Variants in MARCHF1 observed in about 807,000 individuals in gnomAD.
MARCHF1 encodes E3 ubiquitin-protein ligase MARCHF1.
MARCHF1 carries 40 observed loss-of-function variants against 54.2 expected under a neutral mutation model. The ratio of observed to expected loss-of-function variants is 0.74; its 90% CI spans 0.57 to 0.96. The LOEUF is 0.96. Among genes scored for constraint, MARCHF1 ranks in the 40% least tolerant of loss-of-function variants. The pLI is 0.00. For synonymous variants in MARCHF1, 236 were observed against 236.3 expected (o/e 1.00, Z 0.01); for missense variants, 586 against 656.5 (o/e 0.89, Z 1.17).
intron 4 of MARCHF1, among the ~76,000 whole-genome samples, chr4:163,715,587 C>T (rs1410503260): frequency 6.6e-6 from 1 of 151,988 alleles, no homozygotes; most frequent in African/African-American, 2.4e-5. Flanking sequence ...AGATTTCTAC[C>T]ACCCAGATGC....
chr4:163,867,964 A>C (rs1307855992), intron 3 of MARCHF1, among the ~76,000 whole-genome samples: 1 of 151,832 alleles, frequency 6.6e-6, no homozygotes, highest in Non-Finnish European at 1.5e-5. Context: ...GTAGCTCAGC[A>C]ATATTTTGCC....
At chr4:164,315,806 G>A (rs150562035) in intron 1 of MARCHF1, among the ~76,000 whole-genome samples, 17 of 152,140 alleles carry the variant, frequency 1.1e-4, no homozygotes, top group Admixed American at 7.2e-4. Context: ...TTTACACTAC[G>A]TTAATCATAG....
chr4:163,904,546 T>C (rs1019788552), intron 3 of MARCHF1, among the ~76,000 whole-genome samples: 2 of 152,006 alleles, frequency 1.3e-5, no homozygotes, highest in Non-Finnish European at 2.9e-5. Context: ...AAATGGATGG[T>C]TTTCTGGGAA....
intron 3 of MARCHF1, among the ~76,000 whole-genome samples, chr4:163,889,456 T>G (rs1251477683): frequency 1.9e-5 from 2 of 103,714 alleles, no homozygotes; most frequent in African/African-American, 6.8e-5. Context: ...ACACTAAATT[T>G]TAAATGCAAT....
At chr4:163,804,800 C>T (rs1748179359) in intron 4 of MARCHF1, among the ~76,000 whole-genome samples, 1 of 152,090 alleles carries the variant, frequency 6.6e-6, no homozygotes, top group Admixed American at 6.6e-5. Context: ...TGCACCTCAC[C>T]ATTTTTCACG....
At chr4:163,987,088 T>C (rs1752884121) in intron 3 of MARCHF1, among the ~76,000 whole-genome samples, 2 of 152,210 alleles carry the variant, frequency 1.3e-5, no homozygotes, top group Non-Finnish European at 2.9e-5. Flanking sequence ...AATTGATCAG[T>C]GTACCCCACC....
chr4:164,145,247 G>T (rs2110882449), intron 1 of MARCHF1, among the ~76,000 whole-genome samples: 1 of 152,274 alleles, frequency 6.6e-6, no homozygotes, highest in African/African-American at 2.4e-5. Flanking sequence ...AGAGGTAAAA[G>T]GAAGAACTGG....
chr4:164,277,068 T>A lies in MARCHF1; in HGVS notation c.-323+106802A>T, dbSNP rs113324220. 2.3e-3 allele frequency among the ~76,000 whole-genome samples: 352 copies of A among 151,968 alleles called. 1 individual carries two copies. The highest frequency in any genetic ancestry group is 8.1e-3 in the African/African-American group (338 of 41,506). The stretch of plus-strand genomic sequence containing the variant: ...CAGGAGAACTACAATTGCTTCATCA[T>A]GCCTGTTTGCAGTTATAGGGCTTTT... On this transcript the variant is annotated intron_variant, in intron 1 of 9. Coordinates refer to ENST00000514618, the MANE Select transcript of MARCHF1 (RefSeq NM_001394959.1).
At chr4:163,932,032 C>T (rs2111399438) in intron 3 of MARCHF1, among the ~76,000 whole-genome samples, 1 of 151,860 alleles carries the variant, frequency 6.6e-6, no homozygotes, top group African/African-American at 2.4e-5. Context: ...TATGTTTATA[C>T]TATCTTGTAG....
intron 5 of MARCHF1, among the ~76,000 whole-genome samples, chr4:163,620,668 T>A (rs539751539): frequency 6.9e-6 from 1 of 144,322 alleles, no homozygotes; most frequent in East Asian, 2.2e-4. Context: ...CACACACACA[T>A]TTATAGAATA....
chr4:163,837,275 A>G (rs777235292), intron 4 of MARCHF1, among the ~76,000 whole-genome samples: 2 of 152,162 alleles, frequency 1.3e-5, no homozygotes, highest in Non-Finnish European at 2.9e-5. Context: ...TGTCAAAGCT[A>G]TGTTCAAACT....
At chr4:163,831,872 A>T (rs1210409674) in intron 4 of MARCHF1, among the ~76,000 whole-genome samples, 1 of 152,144 alleles carries the variant, frequency 6.6e-6, no homozygotes, top group Non-Finnish European at 1.5e-5. Flanking sequence ...TGACTAGTGG[A>T]TAGGGAGCTT....
intron 1 of MARCHF1, among the ~76,000 whole-genome samples, chr4:164,258,167 A>G (rs1468884116): frequency 6.6e-6 from 1 of 152,078 alleles, no homozygotes; most frequent in Non-Finnish European, 1.5e-5. Flanking sequence ...CAAACCCCGC[A>G]TGTTCTCACT....
At chr4:163,664,744 T>G (rs554586914) in intron 5 of MARCHF1, among the ~76,000 whole-genome samples, 1 of 152,206 alleles carries the variant, frequency 6.6e-6, no homozygotes, top group South Asian at 2.1e-4. Flanking sequence ...CCCCATTTTA[T>G]TATAAATTTG....
At chr4:163,778,423 T>C (rs1488823452) in intron 4 of MARCHF1, among the ~76,000 whole-genome samples, 6 of 152,184 alleles carry the variant, frequency 3.9e-5, no homozygotes, top group African/African-American at 1.4e-4. Context: ...TACCATCTCA[T>C]TGTGGTTTAT....
At position 164,004,246 on chromosome 4, in the gene MARCHF1, C is replaced by CATATATATATAT. The variant is rs70948686; in HGVS notation, c.-247-15549_-247-15538dup. On this transcript the variant is annotated intron_variant, in intron 2 of 9. Transcript: ENST00000514618. ...AACCACCATGGCACATGTTTACATA[C>CATATATATATAT]ATATATATATATATGCATGTTCTGC... is the stretch of plus-strand genomic sequence containing the variant. 3.9e-3 allele frequency among the ~76,000 whole-genome samples: 590 copies of CATATATATATAT among 150,038 alleles called. 7 individuals carry two copies. The highest frequency in any genetic ancestry group is 6.1e-3 in the East Asian group (31 of 5,116).
chr4:164,309,447 T>C (rs1414379330), intron 1 of MARCHF1, among the ~76,000 whole-genome samples: 1 of 152,200 alleles, frequency 6.6e-6, no homozygotes, highest in Non-Finnish European at 1.5e-5. Context: ...AGATGGAATA[T>C]TGCTGGTCAA....
chr4:164,260,245 G>T (rs1733426183), intron 1 of MARCHF1, among the ~76,000 whole-genome samples: 1 of 152,054 alleles, frequency 6.6e-6, no homozygotes, highest in Non-Finnish European at 1.5e-5. Flanking sequence ...CAGTGCTATT[G>T]CTGCTCCCAA....
chr4:164,376,873 T>C (rs910303809), intron 1 of MARCHF1, among the ~76,000 whole-genome samples: 3 of 152,316 alleles, frequency 2.0e-5, no homozygotes, highest in Non-Finnish European at 2.9e-5. Flanking sequence ...GATGTGAGAT[T>C]GACAGGACAT....
Sources: gnomAD v4.1 joint callset for allele counts (sites outside exome capture counted in the v4.1 genomes callset) on GRCh38, gnomAD v4.1.1 for gene constraint, MANE v1.5 for transcripts, NCBI Gene and HGNC (gene_info 2026-07-23, HGNC 2026-07-21) for gene names.